Variants in GRXCR2 observed in about 807,000 individuals in gnomAD.
GRXCR2 encodes glutaredoxin and cysteine rich domain containing 2, also known as glutaredoxin domain-containing cysteine-rich protein 2.
Under a neutral mutation model 24.8 loss-of-function variants are expected in GRXCR2, and 23 were observed. The ratio of observed to expected loss-of-function variants is 0.93; its 90% CI spans 0.67 to 1.32. The LOEUF (loss-of-function observed/expected upper bound fraction) is 1.32. GRXCR2 is among the 40% of genes most tolerant of loss of function. The pLI is 0.00. For missense variants in GRXCR2, 315 were observed against 303.4 expected, an observed-to-expected ratio of 1.04 and a Z score of -0.28; for synonymous variants, 130 against 116.1, an observed-to-expected ratio of 1.12 and a Z score of -0.77.
Position 145,908,050 on chromosome 5 carries a change from G to A in GRXCR2, c.-70+27651C>T, listed in dbSNP as rs139334046. On this transcript the variant is annotated intron_variant, in intron 2 of 3. Coordinates refer to the GRXCR2 transcript ENST00000639411. ...CAGAGAAAGATCAGAGGAAGCTCCAGCCTTACCAGTTCTATGAGGAAGATG... is the reference window on the plus strand; with the variant it reads ...CAGAGAAAGATCAGAGGAAGCTCCAACCTTACCAGTTCTATGAGGAAGATG... Among the ~76,000 whole-genome samples, 34 of 152,236 alleles carry A rather than the reference G, an allele frequency of 2.2e-4. 2 individuals are homozygous for A. The East Asian group carries it at 6.6e-3, about 29-fold the overall frequency.
At chr5:145,931,150 G>T (rs1373366905) in intron 2 of GRXCR2, among the ~76,000 whole-genome samples, 2 of 152,132 alleles carry the variant, frequency 1.3e-5, no homozygotes, top group Non-Finnish European at 2.9e-5. Context: ...TCCCACCTCA[G>T]CCTCCCTAGT....
chr5:145,902,079 C>G (rs1409816946), intron 2 of GRXCR2, among the ~76,000 whole-genome samples: 1 of 151,998 alleles, frequency 6.6e-6, no homozygotes, highest in African/African-American at 2.4e-5. Context: ...TGAGATACAC[C>G]ATAGCTGATA....
intron 2 of GRXCR2, among the ~76,000 whole-genome samples, chr5:145,914,758 G>A (rs1025476097): frequency 1.7e-4 from 24 of 142,102 alleles, no homozygotes; most frequent in Admixed American, 1.7e-3. Flanking sequence ...TACCTCCACT[G>A]CCTTCTCACC....
At chr5:145,875,305 T>G (rs1025907572), upstream of GRXCR2, among the ~76,000 whole-genome samples, 5 of 152,166 alleles carry the variant, frequency 3.3e-5, no homozygotes, top group African/African-American at 4.8e-5. Flanking sequence ...ATCCCAGCAC[T>G]TTGGAAGGGC....
intron 2 of GRXCR2, among the ~76,000 whole-genome samples, chr5:145,889,208 G>GAAAGAAAC (rs1258821119): frequency 6.7e-6 from 1 of 149,374 alleles, no homozygotes; most frequent in Non-Finnish European, 1.5e-5. Flanking sequence ...AAGAAAGAAA[G>GAAAGAAAC]AAAGAAAGAA....
chr5:145,881,509 G>A (rs1320771494), intron 2 of GRXCR2, among the ~76,000 whole-genome samples: 1 of 152,124 alleles, frequency 6.6e-6, no homozygotes, highest in Non-Finnish European at 1.5e-5. Flanking sequence ...ACAAACCACT[G>A]CTCAACGAAA....
intron 2 of GRXCR2, among the ~76,000 whole-genome samples, chr5:145,882,351 G>T: frequency 6.6e-6 from 1 of 152,146 alleles, no homozygotes; most frequent in Non-Finnish European, 1.5e-5. Flanking sequence ...CCATCAAAAA[G>T]TGGGCTAAGG....
At chr5:145,884,920 G>A (rs1756757154) in intron 2 of GRXCR2, among the ~76,000 whole-genome samples, 1 of 152,122 alleles carries the variant, frequency 6.6e-6, no homozygotes. Context: ...TTGGGATTTA[G>A]GAGATTATAT....
intron 2 of GRXCR2, among the ~76,000 whole-genome samples, chr5:145,889,834 G>C (rs968045877): frequency 3.9e-5 from 6 of 152,122 alleles, no homozygotes; most frequent in Non-Finnish European, 8.8e-5. Context: ...TTCCAAAGCA[G>C]TCCAGAAAAT....
chr5:145,924,693 C>A (rs780594961), intron 2 of GRXCR2, among the ~76,000 whole-genome samples: 2 of 152,164 alleles, frequency 1.3e-5, no homozygotes, highest in African/African-American at 4.8e-5. Context: ...TAATACATAA[C>A]CTCTCTCACC....
intron 1 of GRXCR2, among the ~76,000 whole-genome samples, chr5:145,869,331 C>T (rs2056351960): frequency 6.6e-6 from 1 of 151,770 alleles, no homozygotes; most frequent in Non-Finnish European, 1.5e-5. Flanking sequence ...GTAAATGTTA[C>T]CTCCCTTCCT....
Position 145,866,366 on chromosome 5 carries a change from C to T in GRXCR2, c.564+135G>A, listed in dbSNP as rs375679659. 154 of 611,016 alleles carry T rather than the reference C, an allele frequency of 2.5e-4. 2 individuals are homozygous for T. Among genetic ancestry groups the T allele is most frequent in the East Asian group, 1.2e-3 (45 of 36,570 alleles). The allele number at this position is 611,016 out of a possible 1,614,324, so 37.8% of individuals were successfully genotyped here. A position where few individuals can be genotyped will look rare whatever the true frequency, so the allele number is the denominator to read the frequency against. On this transcript the variant is annotated intron_variant, in intron 2 of 2. Coordinates refer to ENST00000377976, the MANE Select transcript of GRXCR2 (RefSeq NM_001080516.2). ...TAAAATATAACAAATGTTAAAATTC[C>T]TCATATCTTCAAGTTTAGGTATCTT...
chr5:145,908,225 TA>T (rs1423046812), intron 2 of GRXCR2, among the ~76,000 whole-genome samples: 7 of 152,258 alleles, frequency 4.6e-5, no homozygotes, highest in Non-Finnish European at 1.0e-4. Context: ...AGACTATTTT[TA>T]AAAAACAGTT....
In GRXCR2 at chr5:145,866,608, C is replaced by CA; in HGVS notation, c.456dup (p.Glu153Ter). On this transcript the variant is annotated frameshift_variant, in exon 2 of 3. Coordinates refer to ENST00000377976, the MANE Select transcript of GRXCR2 (RefSeq NM_001080516.2). LOFTEE classifies it high-confidence loss of function. ...TCTTTGTTCATCAGAGACTCTTCCT[C>CA]AGCCTCCTCTTCCTTCTGGAGAATT... The CA allele has an allele frequency of 3.1e-6, 5 of 1,614,118 alleles. No homozygotes were observed. The highest frequency in any genetic ancestry group is 4.2e-6 in the Non-Finnish European group (5 of 1,179,940).
chr5:145,859,636 C>A lies in GRXCR2; in HGVS notation c.*97G>T. ...TGGGAGTGACTGCAGCCACTGTGGC[C>A]TCCTTGTTGGGAGAGGCAGGAGGAG... On this transcript the variant is annotated 3_prime_UTR_variant, in exon 3 of 3. Coordinates refer to ENST00000377976, the MANE Select transcript of GRXCR2 (RefSeq NM_001080516.2). The A allele has an allele frequency of 2.6e-6, 3 of 1,150,360 alleles. No homozygotes were observed. The highest frequency in any genetic ancestry group is 2.8e-5 in the South Asian group (2 of 72,536). 71.3% of individuals were successfully genotyped at this position (1,150,360 alleles called of 1,614,324 possible). A position where few individuals can be genotyped will look rare whatever the true frequency, so the allele number is the denominator to read the frequency against.
chr5:145,905,860 T>G (rs993240883), intron 2 of GRXCR2, among the ~76,000 whole-genome samples: 4 of 152,112 alleles, frequency 2.6e-5, no homozygotes, highest in African/African-American at 9.7e-5. Context: ...AATAAATGAA[T>G]GAACAAATAG....
chr5:145,913,385 A>G (rs1757192689), intron 2 of GRXCR2, among the ~76,000 whole-genome samples: 1 of 152,160 alleles, frequency 6.6e-6, no homozygotes, highest in Non-Finnish European at 1.5e-5. Context: ...AGGGGGAAAG[A>G]GTGGGCTCAG....
chr5:145,915,662 A>G (rs1031051707), intron 2 of GRXCR2, among the ~76,000 whole-genome samples: 21 of 151,758 alleles, frequency 1.4e-4, no homozygotes, highest in African/African-American at 4.8e-4. Context: ...TGAACCCAGG[A>G]GGTGGAGGTT....
chr5:145,897,351 C>A (rs990438188), intron 2 of GRXCR2, among the ~76,000 whole-genome samples: 2 of 151,176 alleles, frequency 1.3e-5, no homozygotes, highest in Admixed American at 1.3e-4. Flanking sequence ...AAGACTTAAA[C>A]AGCCACACTT....
Sources: gnomAD v4.1 joint callset for allele counts (sites outside exome capture counted in the v4.1 genomes callset) on GRCh38, gnomAD v4.1.1 for gene constraint, MANE v1.5 for transcripts, NCBI Gene and HGNC (gene_info 2026-07-23, HGNC 2026-07-21) for gene names.